The following NEGR1 variants were observed in gnomAD, a reference collection of about 807,000 sequenced individuals.
NEGR1 encodes the protein IgLON family member 4.
In NEGR1, 10 loss-of-function variants were observed where a neutral mutation model predicts 40.9. The observed-to-expected ratio is 0.24, with a 90% confidence interval of 0.15 to 0.42. The LOEUF (loss-of-function observed/expected upper bound fraction) is 0.42, where lower values mean the gene tolerates loss of function less well. Ranked by LOEUF, NEGR1 falls within the 10% of genes least tolerant of loss-of-function variation. The probability of loss-of-function intolerance (pLI) is 1.00; values close to 1 mark genes in which losing one functional copy is unlikely to be tolerated. For synonymous variants in NEGR1, 185 were observed against 166.8 expected (o/e 1.11, Z -0.84); for missense variants, 352 against 438.9 (o/e 0.80, Z 1.77).
chr1:71,542,122 C>A (rs1165603402), intron 6 of NEGR1, among the ~76,000 whole-genome samples: 1 of 151,674 alleles, frequency 6.6e-6, no homozygotes, highest in Non-Finnish European at 1.5e-5. Context: ...GTGGTAGGAA[C>A]TGTGAAAAAT....
chr1:71,801,336 G>A (rs1657548945), intron 2 of NEGR1, among the ~76,000 whole-genome samples: 1 of 152,036 alleles, frequency 6.6e-6, no homozygotes, highest in Non-Finnish European at 1.5e-5. Flanking sequence ...ACATTTTATG[G>A]TTTGAAATAC....
chr1:71,695,144 T>A (rs1653434397), intron 4 of NEGR1, among the ~76,000 whole-genome samples: 1 of 151,846 alleles, frequency 6.6e-6, no homozygotes, highest in South Asian at 2.1e-4. Context: ...GCAAACCTTT[T>A]ATAACAAGAA....
chr1:71,826,762 T>C (rs1658640290), intron 2 of NEGR1, among the ~76,000 whole-genome samples: 1 of 151,964 alleles, frequency 6.6e-6, no homozygotes, highest in African/African-American at 2.4e-5. Context: ...TTTCACTTAC[T>C]GACAAGGGCA....
intron 2 of NEGR1, among the ~76,000 whole-genome samples, chr1:71,812,332 A>G (rs1454968235): frequency 6.6e-6 from 1 of 152,108 alleles, no homozygotes; most frequent in African/African-American, 2.4e-5. Context: ...TGCCTTTGCT[A>G]TTATGAATAG....
At chr1:72,097,373 T>C (rs2100235765) in intron 1 of NEGR1, among the ~76,000 whole-genome samples, 1 of 152,308 alleles carries the variant, frequency 6.6e-6, no homozygotes, top group South Asian at 2.1e-4. Context: ...GTTGTCAATC[T>C]ATCCAGATTA....
intron 5 of NEGR1, among the ~76,000 whole-genome samples, chr1:71,602,773 C>A (rs1002699306): frequency 1.3e-5 from 2 of 152,300 alleles, no homozygotes; most frequent in African/African-American, 4.8e-5. Flanking sequence ...ATCCTACACT[C>A]TAAGTCACAG....
At chr1:71,761,562 CAT>C (rs1375225631) in intron 3 of NEGR1, among the ~76,000 whole-genome samples, 2 of 152,064 alleles carry the variant, frequency 1.3e-5, no homozygotes, top group South Asian at 2.1e-4. Context: ...TTGTGAAAAA[CAT>C]AGAAAATACT....
At chr1:71,663,625 C>A (rs573071281) in intron 4 of NEGR1, among the ~76,000 whole-genome samples, 8 of 152,090 alleles carry the variant, frequency 5.3e-5, no homozygotes, top group Admixed American at 4.6e-4. Context: ...TTTAATTTAT[C>A]CCATGCCATC....
At chr1:71,774,780 C>A (rs1363878208) in intron 3 of NEGR1, among the ~76,000 whole-genome samples, 1 of 152,028 alleles carries the variant, frequency 6.6e-6, no homozygotes, top group Admixed American at 6.6e-5. Context: ...CCAGGGTGCA[C>A]CCAAAGCTAT....
chr1:71,983,376 G>A (rs1251066951), intron 1 of NEGR1, among the ~76,000 whole-genome samples: 1 of 152,034 alleles, frequency 6.6e-6, no homozygotes, highest in African/African-American at 2.4e-5. Context: ...TTCTTTTCCT[G>A]AGAGAAAAAT....
chr1:72,038,260 T>A (rs1646922319), intron 1 of NEGR1, among the ~76,000 whole-genome samples: 2 of 152,066 alleles, frequency 1.3e-5, no homozygotes, highest in Admixed American at 1.3e-4. Context: ...TAAGGATAAA[T>A]ATCTACAATG....
intron 6 of NEGR1, among the ~76,000 whole-genome samples, chr1:71,476,678 C>A (rs572456124): frequency 1.3e-5 from 2 of 152,056 alleles, no homozygotes; most frequent in Non-Finnish European, 2.9e-5. Flanking sequence ...GCTGTGGACA[C>A]TGAGGTTCGG....
intron 1 of NEGR1, among the ~76,000 whole-genome samples, chr1:72,090,182 C>A (rs551985482): frequency 1.3e-5 from 2 of 151,868 alleles, no homozygotes; most frequent in Non-Finnish European, 2.9e-5. Context: ...AATCATTTCC[C>A]CTGGGCTATT....
chr1:71,986,912 G>A (rs1198790373), intron 1 of NEGR1, among the ~76,000 whole-genome samples: 1 of 152,192 alleles, frequency 6.6e-6, no homozygotes, highest in Non-Finnish European at 1.5e-5. Flanking sequence ...GCAGGGAACT[G>A]TAGAACCTAC....
intron 6 of NEGR1, among the ~76,000 whole-genome samples, chr1:71,565,198 C>T (rs535537473): frequency 7.9e-5 from 12 of 152,216 alleles, no homozygotes; most frequent in African/African-American, 2.9e-4. Context: ...TGAATTCTAT[C>T]CAAAACAGGG....
At chr1:71,636,205 C>G (rs904951110) in intron 4 of NEGR1, among the ~76,000 whole-genome samples, 2 of 151,908 alleles carry the variant, frequency 1.3e-5, no homozygotes, top group Non-Finnish European at 2.9e-5. Flanking sequence ...TATTGTTGGC[C>G]TTGCCAAAAT....
intron 6 of NEGR1, among the ~76,000 whole-genome samples, chr1:71,536,292 T>C (rs958900340): frequency 3.3e-5 from 5 of 151,718 alleles, no homozygotes; most frequent in African/African-American, 1.2e-4. Flanking sequence ...TTGATGCCCA[T>C]GGTGTTTGGG....
chr1:71,998,137 C>T (rs1413880327), intron 1 of NEGR1, among the ~76,000 whole-genome samples: 1 of 151,842 alleles, frequency 6.6e-6, no homozygotes, highest in East Asian at 1.9e-4. Flanking sequence ...AGTCAACAAC[C>T]TGATTTTGCA....
chr1:71,445,518 A>G (rs139205367), intron 6 of NEGR1, among the ~76,000 whole-genome samples: 1 of 152,262 alleles, frequency 6.6e-6, no homozygotes, highest in East Asian at 1.9e-4. Flanking sequence ...CTTAGAAATG[A>G]TGCCTGAAGA....
Sources: gnomAD v4.1 joint callset for allele counts (sites outside exome capture counted in the v4.1 genomes callset) on GRCh38, gnomAD v4.1.1 for gene constraint, MANE v1.5 for transcripts, NCBI Gene and HGNC (gene_info 2026-07-23, HGNC 2026-07-21) for gene names.